The following SMIM35 variants were observed in gnomAD, a reference collection of about 807,000 sequenced individuals.
SMIM35 encodes the protein small integral membrane protein 35, also known as TMPRSS4 antisense RNA 1 (non-protein coding).
chr11:118,058,398 G>C (rs147879931), intron 1 of SMIM35, among the ~76,000 whole-genome samples: 219 of 152,314 alleles, frequency 1.4e-3, no homozygotes, highest in African/African-American at 4.8e-3. Context: ...GGCTAGAGCT[G>C]CACATGGACC....
In SMIM35 at chr11:118,005,220, T is replaced by G. The variant is rs763579869; in HGVS notation, c.*1190A>C. Reference sequence around the variant, plus strand: ...AAGCTGCTCCCCAAGGCCCAGAATTTCTGAATACCGGTTCCCAAGGACCTG... The same window carrying G: ...AAGCTGCTCCCCAAGGCCCAGAATTGCTGAATACCGGTTCCCAAGGACCTG... On this transcript the variant is annotated 3_prime_UTR_variant, in exon 5 of 5. Coordinates refer to ENST00000689828, the MANE Select transcript of SMIM35 (RefSeq NM_001394165.1). The G allele has an allele frequency of 1.3e-5, 2 of 152,226 alleles. No homozygotes were observed. The highest frequency in any genetic ancestry group is 2.9e-5 in the Non-Finnish European group (2 of 68,054). The allele number at this position is 152,226 out of a possible 1,614,324, so 9.4% of individuals were successfully genotyped here. A position where few individuals can be genotyped will look rare whatever the true frequency, so the allele number is the denominator to read the frequency against.
chr11:118,035,741 A>T (rs1442727454), intron 1 of SMIM35, among the ~76,000 whole-genome samples: 3 of 152,134 alleles, frequency 2.0e-5, no homozygotes, highest in Non-Finnish European at 4.4e-5. Flanking sequence ...GACTGAAACA[A>T]AGCATTCTCC....
chr11:118,064,395 C>T (rs982031749), intron 1 of SMIM35, among the ~76,000 whole-genome samples: 3 of 150,388 alleles, frequency 2.0e-5, no homozygotes, highest in African/African-American at 7.6e-5. Flanking sequence ...ACCGGAGGTT[C>T]AGGTTGGCGG....
At chr11:118,064,290 GC>G (rs1212356402) in intron 1 of SMIM35, among the ~76,000 whole-genome samples, 1 of 152,042 alleles carries the variant, frequency 6.6e-6, no homozygotes, top group Non-Finnish European at 1.5e-5. Context: ...CTTTTCTCTT[GC>G]AAAGAAAAAA....
chr11:118,048,491 T>C (rs951039208), intron 1 of SMIM35, among the ~76,000 whole-genome samples: 2 of 146,600 alleles, frequency 1.4e-5, no homozygotes, highest in African/African-American at 5.1e-5. Context: ...CCAGCCTGGA[T>C]GACAGAGCGA....
intron 1 of SMIM35, chr11:118,025,908 G>T: frequency 2.7e-6 from 1 of 368,170 alleles, no homozygotes; most frequent in Non-Finnish European, 5.1e-6. Context: ...TTTTCTTCTA[G>T]GATTTTTACA....
chr11:118,031,807 C>G (rs1591286733), intron 1 of SMIM35: 1 of 151,782 alleles, frequency 6.6e-6, no homozygotes, highest in African/African-American at 2.4e-5. Context: ...ATGAGACAAA[C>G]AGAAATGGCA....
chr11:118,041,469 T>C (rs1455361589), intron 1 of SMIM35, among the ~76,000 whole-genome samples: 1 of 152,074 alleles, frequency 6.6e-6, no homozygotes, highest in Admixed American at 6.5e-5. Flanking sequence ...CTGACCACAA[T>C]GAAATAAAAT....
chr11:118,044,297 G>A (rs1468649447), intron 1 of SMIM35, among the ~76,000 whole-genome samples: 2 of 136,480 alleles, frequency 1.5e-5, no homozygotes, highest in African/African-American at 5.5e-5. Context: ...CTTAGTCACT[G>A]AGAAGTCTGG....
In SMIM35 at chr11:118,050,105, T is replaced by C. The variant is rs1401733030; in HGVS notation, c.8-34296A>G. On this transcript the variant is annotated intron_variant, in intron 1 of 4. Coordinates refer to ENST00000689828, the MANE Select transcript of SMIM35 (RefSeq NM_001394165.1). ...GGAGTGTGTGCTGGAGCCCCAGCCCTGGGACACACCAGTTGCACAATCTCA... is the reference window on the plus strand; with the variant it reads ...GGAGTGTGTGCTGGAGCCCCAGCCCCGGGACACACCAGTTGCACAATCTCA... Among the ~76,000 whole-genome samples, 8 of 152,226 alleles carry C rather than the reference T, an allele frequency of 5.3e-5. No individual in the cohort carries two copies. The East Asian group carries it at 1.5e-3, about 29-fold the overall frequency.
chr11:118,030,095 C>T (rs531010793), intron 1 of SMIM35, among the ~76,000 whole-genome samples: 35 of 151,952 alleles, frequency 2.3e-4, no homozygotes, highest in Middle Eastern at 3.4e-3. Flanking sequence ...AGTGCAGTGG[C>T]GTGATCTCGG....
At chr11:118,038,270 AAG>A (rs1470415088) in intron 1 of SMIM35, among the ~76,000 whole-genome samples, 1 of 152,152 alleles carries the variant, frequency 6.6e-6, no homozygotes, top group Non-Finnish European at 1.5e-5. Flanking sequence ...TATAAACTAT[AAG>A]ACACATTTTC....
At chr11:118,024,015 C>CAA (rs34791559) in intron 1 of SMIM35, among the ~76,000 whole-genome samples, 15 of 134,426 alleles carry the variant, frequency 1.1e-4, no homozygotes, top group Admixed American at 1.5e-4. Context: ...ATGCCTTCTC[C>CAA]AAAAAAAAAA....
chr11:118,057,251 GC>G (rs1301462157), intron 1 of SMIM35, among the ~76,000 whole-genome samples: 2 of 152,342 alleles, frequency 1.3e-5, no homozygotes, highest in East Asian at 3.9e-4. Flanking sequence ...AAACCAAAGT[GC>G]ACTCAGGAAG....
chr11:118,043,465 G>T (rs114676525), intron 1 of SMIM35, among the ~76,000 whole-genome samples: 1,827 of 152,150 alleles, frequency 0.012, 29 homozygotes, highest in African/African-American at 0.042. Context: ...CATATTATAT[G>T]ATTCTATTTA....
chr11:118,045,024 G>A (rs1175759132), intron 1 of SMIM35, among the ~76,000 whole-genome samples: 1 of 152,092 alleles, frequency 6.6e-6, no homozygotes, highest in Non-Finnish European at 1.5e-5. Context: ...CAAAACCTAA[G>A]TACAACAGAC....
chr11:118,022,402 T>C (rs1199395355), intron 1 of SMIM35, among the ~76,000 whole-genome samples: 2 of 152,158 alleles, frequency 1.3e-5, no homozygotes, highest in Non-Finnish European at 2.9e-5. Context: ...GTTAAAATAA[T>C]ATACAATATG....
chr11:118,078,439 C>T (rs138907910), intron 1 of SMIM35, among the ~76,000 whole-genome samples: 3 of 152,184 alleles, frequency 2.0e-5, no homozygotes, highest in African/African-American at 2.4e-5. Context: ...GCACTTCCCA[C>T]GACACTCTTC....
intron 1 of SMIM35, chr11:118,077,191 G>T: frequency 7.1e-7 from 1 of 1,406,762 alleles, no homozygotes; most frequent in East Asian, 2.5e-5. Flanking sequence ...GCTGACCAGG[G>T]ACTTCTGACC....
Sources: allele counts gnomAD v4.1 joint callset (sites outside exome capture counted in the v4.1 genomes callset), GRCh38; gene constraint gnomAD v4.1.1; transcripts MANE v1.5; gene names NCBI Gene and HGNC (gene_info 2026-07-23, HGNC 2026-07-21).